HS3ST5: variants seen among roughly 807,000 people sequenced by gnomAD.
HS3ST5 encodes the protein heparan sulfate glucosamine 3-O-sulfotransferase 5.
Under a neutral mutation model 25.4 loss-of-function variants are expected in HS3ST5, and 10 were observed. The ratio of observed to expected loss-of-function variants is 0.39; its 90% CI spans 0.24 to 0.67. The LOEUF is 0.67. Among genes scored for constraint, HS3ST5 ranks in the 30% least tolerant of loss-of-function variants. The probability of loss-of-function intolerance (pLI) is 0.44; values close to 1 mark genes in which losing one functional copy is unlikely to be tolerated. For synonymous variants in HS3ST5, 170 were observed against 162.4 expected (o/e 1.05, Z -0.36); for missense variants, 324 against 420.7 (o/e 0.77, Z 2.01).
intron 1 of HS3ST5, among the ~76,000 whole-genome samples, chr6:114,275,332 A>G (rs956504305): frequency 6.6e-6 from 1 of 152,096 alleles, no homozygotes; most frequent in Non-Finnish European, 1.5e-5. Context: ...ACTAAATACC[A>G]GTAGTAGCTA....
intron 1 of HS3ST5, among the ~76,000 whole-genome samples, chr6:114,322,258 A>G (rs1454087650): frequency 3.3e-5 from 5 of 152,114 alleles, no homozygotes; most frequent in Non-Finnish European, 5.9e-5. Context: ...TTATATTTTC[A>G]ATTTGTTTTA....
chr6:114,086,784 C>A (rs900948891), intron 3 of HS3ST5, among the ~76,000 whole-genome samples: 2 of 152,142 alleles, frequency 1.3e-5, no homozygotes, highest in African/African-American at 4.8e-5. Context: ...GAATGCCAAA[C>A]AACAAAAGCT....
chr6:114,255,551 C>T lies in HS3ST5; in HGVS notation c.-338-26773G>A, dbSNP rs181835268. On this transcript the variant is annotated intron_variant, in intron 1 of 4. Transcript: ENST00000312719. ...CTCTACCCATTTTCCTTATGCACTGCCCTAACAGAGGTTCTCTGTGAGGCC... is the reference window on the plus strand; with the variant it reads ...CTCTACCCATTTTCCTTATGCACTGTCCTAACAGAGGTTCTCTGTGAGGCC... Among the ~76,000 whole-genome samples the T allele has an allele frequency of 8.1e-4, 123 of 152,326 alleles. 2 individuals carry two copies. Among genetic ancestry groups the T allele is most frequent in the South Asian group, 3.7e-3 (18 of 4,832 alleles).
At chr6:114,141,410 G>C (rs531438414) in intron 3 of HS3ST5, among the ~76,000 whole-genome samples, 1 of 152,274 alleles carries the variant, frequency 6.6e-6, no homozygotes, top group African/African-American at 2.4e-5. Context: ...AATATTTATA[G>C]CTTCTGAATA....
At chr6:114,252,188 G>GT (rs1314734735) in intron 1 of HS3ST5, among the ~76,000 whole-genome samples, 1 of 151,880 alleles carries the variant, frequency 6.6e-6, no homozygotes, top group Admixed American at 6.6e-5. Flanking sequence ...CTCTAACACT[G>GT]TAAGTGTCTC....
intron 2 of HS3ST5, among the ~76,000 whole-genome samples, chr6:114,202,582 A>G (rs1562236304): frequency 6.6e-6 from 1 of 152,142 alleles, no homozygotes; most frequent in Non-Finnish European, 1.5e-5. Flanking sequence ...TAAAATCTCA[A>G]TAGGTTGGCT....
At chr6:114,103,640 T>G (rs906871275) in intron 3 of HS3ST5, among the ~76,000 whole-genome samples, 1 of 151,624 alleles carries the variant, frequency 6.6e-6, no homozygotes, top group Non-Finnish European at 1.5e-5. Context: ...TGTCTGAAAC[T>G]CCTGGCCTCA....
intron 1 of HS3ST5, among the ~76,000 whole-genome samples, chr6:114,234,572 G>A (rs1771765914): frequency 6.6e-6 from 1 of 152,038 alleles, no homozygotes. Flanking sequence ...CAACGGGTAG[G>A]TTGAAGCTGC....
chr6:114,235,406 C>T (rs1177233941), intron 1 of HS3ST5, among the ~76,000 whole-genome samples: 2 of 150,922 alleles, frequency 1.3e-5, no homozygotes, highest in African/African-American at 4.9e-5. Context: ...AAAAAATACA[C>T]GTACATTGTA....
At chr6:114,126,001 C>G (rs1299449442) in intron 3 of HS3ST5, among the ~76,000 whole-genome samples, 1 of 152,180 alleles carries the variant, frequency 6.6e-6, no homozygotes, top group African/African-American at 2.4e-5. Context: ...GACAACAAAG[C>G]TCTTGAGGTA....
intron 3 of HS3ST5, among the ~76,000 whole-genome samples, chr6:114,112,855 G>A (rs1776334092): frequency 6.6e-6 from 1 of 152,092 alleles, no homozygotes; most frequent in Admixed American, 6.6e-5. Context: ...ACATGTTCCT[G>A]CCATTTTCCT....
intron 1 of HS3ST5, among the ~76,000 whole-genome samples, chr6:114,297,429 G>A (rs1774874759): frequency 6.6e-6 from 1 of 152,150 alleles, no homozygotes; most frequent in African/African-American, 2.4e-5. Context: ...AGCACCATGA[G>A]TGACAGGAAG....
At chr6:114,201,664 C>T (rs966071671) in intron 2 of HS3ST5, among the ~76,000 whole-genome samples, 8 of 152,064 alleles carry the variant, frequency 5.3e-5, no homozygotes, top group East Asian at 3.9e-4. Flanking sequence ...TGTATTGGTC[C>T]GTTCTCAGGC....
At chr6:114,157,331 C>T (rs545461669) in intron 3 of HS3ST5, among the ~76,000 whole-genome samples, 20 of 152,178 alleles carry the variant, frequency 1.3e-4, no homozygotes, top group Admixed American at 2.0e-4. Flanking sequence ...TCATTCTTTA[C>T]TTTGTTCCTA....
At chr6:114,173,858 C>G (rs1779589704) in intron 2 of HS3ST5, among the ~76,000 whole-genome samples, 1 of 152,078 alleles carries the variant, frequency 6.6e-6, no homozygotes, top group Non-Finnish European at 1.5e-5. Context: ...GACTCCATCT[C>G]AAACAAAACA....
At chr6:114,262,534 G>A (rs900696541) in intron 1 of HS3ST5, among the ~76,000 whole-genome samples, 16 of 150,764 alleles carry the variant, frequency 1.1e-4, no homozygotes, top group Non-Finnish European at 2.2e-4. Context: ...TTAACAGTGC[G>A]AGACTCTGTC....
At chr6:114,219,573 G>A (rs9400702) in intron 2 of HS3ST5, among the ~76,000 whole-genome samples, 62,597 of 151,876 alleles carry the variant, frequency 0.41, 14,233 homozygotes, top group South Asian at 0.65. Context: ...AAAAATAAGC[G>A]TAAATTAGTT....
At chr6:114,284,577 A>G (rs1774256945) in intron 1 of HS3ST5, among the ~76,000 whole-genome samples, 1 of 151,994 alleles carries the variant, frequency 6.6e-6, no homozygotes, top group Non-Finnish European at 1.5e-5. Context: ...ACCTCCTAAA[A>G]TTTGGATCTA....
intron 3 of HS3ST5, among the ~76,000 whole-genome samples, chr6:114,085,921 A>T (rs982433570): frequency 1.5e-5 from 2 of 137,136 alleles, no homozygotes; most frequent in African/African-American, 5.5e-5. Flanking sequence ...TCTTAAATTC[A>T]TATAAATTCA....
Sources: allele counts gnomAD v4.1 joint callset (sites outside exome capture counted in the v4.1 genomes callset), GRCh38; gene constraint gnomAD v4.1.1; transcripts MANE v1.5; gene names NCBI Gene and HGNC (gene_info 2026-07-23, HGNC 2026-07-21).